Variants in MACF1 observed in about 807,000 individuals in gnomAD.
The protein encoded by MACF1 is microtubule actin crosslinking factor 1, also known as microtubule-actin cross-linking factor 1.
MACF1 carries 193 observed loss-of-function variants against 854.8 expected under a neutral mutation model. That is an observed-to-expected ratio of 0.23 (90% CI 0.20 to 0.25). The LOEUF is 0.25. MACF1 is among the 10% of genes least tolerant of loss of function. The pLI, the probability that MACF1 is intolerant of heterozygous loss-of-function variation, is 1.00. For synonymous variants in MACF1, 3,185 were observed against 3,226.7 expected, an observed-to-expected ratio of 0.99 and a Z score of 0.44; for missense variants, 7,722 against 8,929.1, an observed-to-expected ratio of 0.86 and a Z score of 5.45.
chr1:39,469,110 A>G (rs1557670718), intron 96 of MACF1, among the ~76,000 whole-genome samples: 2 of 152,160 alleles, frequency 1.3e-5, no homozygotes, highest in Admixed American at 6.5e-5. Context: ...GCTGATACTC[A>G]GGGAGAGTGT....
chr1:39,143,198 A>G (rs954248921), intron 2 of MACF1, among the ~76,000 whole-genome samples: 2 of 152,296 alleles, frequency 1.3e-5, no homozygotes, highest in African/African-American at 4.8e-5. Context: ...ATGTACCTTA[A>G]TATCAGAAGT....
intron 60 of MACF1, among the ~76,000 whole-genome samples, chr1:39,423,621 C>T (rs1464269313): frequency 1.6e-5 from 2 of 127,004 alleles, no homozygotes; most frequent in Admixed American, 9.2e-5. Context: ...GGAGACAGAG[C>T]GAGACTCTGT....
At chr1:39,447,926 C>T in intron 82 of MACF1, 28 bp downstream of exon 82, 1 of 1,612,704 alleles carries the variant, frequency 6.2e-7, no homozygotes, top group Non-Finnish European at 8.5e-7. Flanking sequence ...GATACTAATT[C>T]ACTGAAGAGT....
At chr1:39,316,909 AC>A (rs1224426896) in intron 28 of MACF1, among the ~76,000 whole-genome samples, 1 of 152,210 alleles carries the variant, frequency 6.6e-6, no homozygotes, top group Non-Finnish European at 1.5e-5. Context: ...AGATGAGAAA[AC>A]CAACACTTAC....
At chr1:39,107,021 G>T (rs916901797) in intron 2 of MACF1, among the ~76,000 whole-genome samples, 1 of 152,130 alleles carries the variant, frequency 6.6e-6, no homozygotes, top group African/African-American at 2.4e-5. Flanking sequence ...AGAGCACAAA[G>T]AGGTTAGATT....
intron 17 of MACF1, 118 bp downstream of exon 17, chr1:39,292,961 G>A: frequency 1.4e-6 from 1 of 735,424 alleles, no homozygotes; most frequent in Non-Finnish European, 2.2e-6. Flanking sequence ...CTGCTTATTA[G>A]GTTATATCAT....
chr1:39,361,759 C>T, intron 49 of MACF1, 82 bp downstream of exon 49: 1 of 1,320,026 alleles, frequency 7.6e-7, no homozygotes, highest in Non-Finnish European at 1.1e-6. Flanking sequence ...GCGCATACTA[C>T]ATCAGTCAGT....
intron 91 of MACF1, 96 bp downstream of exon 91, chr1:39,459,345 T>A: frequency 7.6e-7 from 1 of 1,310,202 alleles, no homozygotes; most frequent in Non-Finnish European, 1.0e-6. Flanking sequence ...CCTTGTGTCT[T>A]AATTTACTTT....
Position 39,280,612 on chromosome 1 carries a change from C to T in MACF1, c.529-1596C>T, listed in dbSNP as rs143799535. On this transcript the variant is annotated intron_variant, in intron 6 of 100. Transcript: ENST00000564288. ...TATGTTTTTGAGACAGAGTCTCACTCTGTCGCCCAGGCTAGGGTGCAGTGG... is the reference window on the plus strand; with the variant it reads ...TATGTTTTTGAGACAGAGTCTCACTTTGTCGCCCAGGCTAGGGTGCAGTGG... 7.5e-3 allele frequency among the ~76,000 whole-genome samples: 1,140 copies of T among 152,252 alleles called. 10 individuals carry two copies. Among genetic ancestry groups the T allele is most frequent in the Middle Eastern group, 0.017 (5 of 294 alleles).
intron 78 of MACF1, among the ~76,000 whole-genome samples, chr1:39,443,207 T>A (rs1644154807): frequency 6.6e-6 from 1 of 152,196 alleles, no homozygotes; most frequent in African/African-American, 2.4e-5. Context: ...AGTACCTTAA[T>A]CAATAGTCAA....
intron 15 of MACF1, among the ~76,000 whole-genome samples, chr1:39,289,426 G>C (rs1439446263): frequency 6.6e-6 from 1 of 152,134 alleles, no homozygotes; most frequent in East Asian, 1.9e-4. Context: ...TTGGATAAAA[G>C]CCATTTTAAC....
At chr1:39,463,519 T>G in intron 93 of MACF1, 93 bp from the exon 94 acceptor site, 2 of 804,068 alleles carry the variant, frequency 2.5e-6, no homozygotes, top group South Asian at 3.0e-5. Flanking sequence ...AAATAATGAA[T>G]AGCCTCCCTG....
intron 6 of MACF1, among the ~76,000 whole-genome samples, chr1:39,274,383 C>T (rs1199824645): frequency 1.3e-5 from 2 of 152,108 alleles, no homozygotes; most frequent in East Asian, 3.8e-4. Context: ...GGGGATTCAA[C>T]CCATAACGGA....
chr1:39,153,164 C>T (rs1643617933), intron 2 of MACF1, among the ~76,000 whole-genome samples: 1 of 152,184 alleles, frequency 6.6e-6, no homozygotes, highest in Admixed American at 6.5e-5. Flanking sequence ...ACCCTTCCAT[C>T]TCTCTGCTAG....
Position 39,332,284 on chromosome 1 carries a change from C to G in MACF1, c.5696C>G (p.Ser1899Cys). Reference sequence around the variant, plus strand: ...CTACCAGCAACCACAGAGATTTTGTCCTGGAAGAAAGCAATAGAAAGTGGT... The same window carrying G: ...CTACCAGCAACCACAGAGATTTTGTGCTGGAAGAAAGCAATAGAAAGTGGT... ...LFLPATTEIL[S>C]WKKAIESGIL... Residue 1899 changes from serine to cysteine, a missense_variant, in exon 37 of 101, where the codon TCC becomes TGC. Physicochemically the swap from Ser to Cys is moderately radical, Grantham distance 112 (BLOSUM62 -1). This residue lies in a region of MACF1 where 1,531 missense variants were observed against 1,601.6 expected (regional missense o/e 0.96). Transcript: ENST00000564288. The G allele has an allele frequency of 6.2e-7, 1 of 1,613,786 alleles. No homozygotes were observed. The highest frequency in any genetic ancestry group is 8.5e-7 in the Non-Finnish European group (1 of 1,179,994).
In MACF1 at chr1:39,370,072, C is replaced by T. The variant is rs1308803249; in HGVS notation, c.12981C>T (p.Phe4327=). 15 of 1,613,674 alleles carry T rather than the reference C, an allele frequency of 9.3e-6. No homozygotes were observed. Among genetic ancestry groups the T allele is most frequent in the Admixed American group, 1.7e-5 (1 of 59,932 alleles). ...CTTGCCAGGAACAGTTGGATGAATT[C>T]CGGAAGCTGGTCAGGACCTTCCAGA... ...ASSCQEQLDE[F]RKLVRTFQKW... Residue 4327 remains phenylalanine (F), a synonymous_variant, in exon 51 of 101, where the codon TTC becomes TTT. Coordinates refer to ENST00000564288, the MANE Select transcript of MACF1 (RefSeq NM_001394062.1).
At chr1:39,402,875 G>A (rs1399707799) in intron 58 of MACF1, among the ~76,000 whole-genome samples, 1 of 151,852 alleles carries the variant, frequency 6.6e-6, no homozygotes, top group Non-Finnish European at 1.5e-5. Context: ...TCTCTTCTCT[G>A]GCTGCTCTTC....
intron 52 of MACF1, among the ~76,000 whole-genome samples, chr1:39,373,803 A>C (rs1270852707): frequency 1.3e-5 from 2 of 151,382 alleles, no homozygotes; most frequent in East Asian, 2.0e-4. Context: ...CAGTGAGCCA[A>C]GATCGTGCCA....
chr1:39,309,641 C>T lies in MACF1; in HGVS notation c.2861C>T (p.Ser954Phe). Reference sequence around the variant, plus strand: ...CATGTTAACACCAAAAGCCTTATCTCTTGGAACTATCTGCGTAAAGACCTT... The same window carrying T: ...CATGTTAACACCAAAAGCCTTATCTTTTGGAACTATCTGCGTAAAGACCTT... ...QLHVNTKSLISWNYLRKDLDL... is the reference protein window; with the variant it reads ...QLHVNTKSLIFWNYLRKDLDL... The change falls in exon 24 of 101, where the codon TCT becomes TTT. Residue 954 changes from serine to phenylalanine, a missense_variant. Ser to Phe is a radical substitution (Grantham distance 155). Coordinates refer to ENST00000564288, the MANE Select transcript of MACF1 (RefSeq NM_001394062.1). 1 of 1,614,068 alleles carries T rather than the reference C, an allele frequency of 6.2e-7. No homozygotes were observed. Among genetic ancestry groups the T allele is most frequent in the African/African-American group, 1.3e-5 (1 of 75,038 alleles).
Sources: allele counts gnomAD v4.1 joint callset (sites outside exome capture counted in the v4.1 genomes callset), GRCh38; gene constraint gnomAD v4.1.1; regional missense constraint gnomAD v4.1.1; transcripts MANE v1.5; gene names NCBI Gene and HGNC (gene_info 2026-07-23, HGNC 2026-07-21).